The following WDR43 variants were observed in gnomAD, a reference collection of about 807,000 sequenced individuals.
WDR43 encodes WD repeat domain 43.
A neutral mutation model predicts 91.4 loss-of-function variants in WDR43; 13 were observed. The ratio of observed to expected loss-of-function variants is 0.14; its 90% CI spans 0.09 to 0.23. The LOEUF is 0.23. Ranked by LOEUF, WDR43 falls within the 10% of genes least tolerant of loss-of-function variation. WDR43 has a pLI of 1.00. For missense variants in WDR43, 780 were observed against 809.4 expected (o/e 0.96, Z 0.44); for synonymous variants, 331 against 287.9 (o/e 1.15, Z -1.51).
intron 11 of WDR43, 69 bp from the exon 12 acceptor site, chr2:28,935,452 T>A: frequency 1.1e-6 from 1 of 924,452 alleles, no homozygotes. Flanking sequence ...TTTTACAGAC[T>A]TTTTTTTTTC....
At chr2:28,938,070 G>A in intron 14 of WDR43, 76 bp downstream of exon 14, 4 of 1,497,970 alleles carry the variant, frequency 2.7e-6, no homozygotes, top group Non-Finnish European at 3.7e-6. Context: ...GACAAGTATG[G>A]CTGAACAAAA....
Position 28,927,621 on chromosome 2 carries a change from C to G in WDR43, c.1226C>G (p.Pro409Arg). Residue 409 changes from proline to arginine, a missense_variant, in exon 10 of 18, where the codon CCT (proline) becomes CGT (arginine). By Grantham distance (103) the Pro-to-Arg change is moderately radical (BLOSUM62 -2). This residue lies in a region of WDR43 where 426 missense variants were observed against 467.8 expected (regional missense o/e 0.91). Coordinates refer to ENST00000407426, the MANE Select transcript of WDR43 (RefSeq NM_015131.3). ...GCAAAAGTTCTGGTGCCTGGGATTC[C>G]TGGTCATCATGCAGCTATCAAGCCC... is the stretch of plus-strand genomic sequence containing the variant. ...SEAKVLVPGI[P>R]GHHAAIKPAP... 6.2e-7 allele frequency: 1 copy of G among 1,613,804 alleles called. No homozygotes were observed. Among genetic ancestry groups the G allele is most frequent in the Non-Finnish European group, 8.5e-7 (1 of 1,179,840 alleles).
At position 28,942,391 on chromosome 2, in the gene WDR43, G is replaced by T. The variant is rs369083779; in HGVS notation, c.1804+10G>T. 9 of 1,610,454 alleles carry T rather than the reference G, an allele frequency of 5.6e-6. No homozygotes were observed. The African/African-American group carries it at 9.3e-5, about 17-fold the overall frequency. ...TTGGTGTATGAAGAAGGTAAAGACT[G>T]GGGGAATGGGATGGAGTCTAGAATT... is the stretch of plus-strand genomic sequence containing the variant. On this transcript the variant is annotated intron_variant, in intron 16 of 17. Transcript: ENST00000407426.
chr2:28,918,384 T>G (rs1670958200), intron 6 of WDR43, among the ~76,000 whole-genome samples: 1 of 152,076 alleles, frequency 6.6e-6, no homozygotes, highest in Non-Finnish European at 1.5e-5. Flanking sequence ...TTTCATTTTT[T>G]TGAGACGGAG....
intron 6 of WDR43, 57 bp from the exon 7 acceptor site, chr2:28,922,862 G>A: frequency 2.4e-6 from 3 of 1,272,720 alleles, no homozygotes; most frequent in Non-Finnish European, 3.2e-6. Context: ...TCATAAGGTA[G>A]ATTGGGGACT....
At chr2:28,907,718 A>C (rs1035533127) in intron 3 of WDR43, among the ~76,000 whole-genome samples, 4 of 152,154 alleles carry the variant, frequency 2.6e-5, no homozygotes, top group African/African-American at 7.2e-5. Context: ...ATCCTGGCTA[A>C]CATGGGGTAC....
chr2:28,914,063 C>G lies in WDR43; in HGVS notation c.607-6C>G. ...GCTCTCCTAACTGAGATTTAACTTTCTCTAGCATTTCACAGGACATGCAAC... is the reference window on the plus strand; with the variant it reads ...GCTCTCCTAACTGAGATTTAACTTTGTCTAGCATTTCACAGGACATGCAAC... On this transcript the variant is annotated splice_region_variant and splice_polypyrimidine_tract_variant and intron_variant, in intron 4 of 17. Coordinates refer to ENST00000407426, the MANE Select transcript of WDR43 (RefSeq NM_015131.3). 6.2e-7 allele frequency: 1 copy of G among 1,611,182 alleles called. No homozygotes were observed. The highest frequency in any genetic ancestry group is 8.5e-7 in the Non-Finnish European group (1 of 1,178,104).
intron 3 of WDR43, among the ~76,000 whole-genome samples, chr2:28,908,070 T>G (rs995899536): frequency 1.3e-5 from 2 of 152,108 alleles, no homozygotes; most frequent in African/African-American, 4.8e-5. Context: ...GGATGGTAAG[T>G]GTGGGAAGTT....
In WDR43 at chr2:28,947,990, TG is replaced by T. The variant is rs1212192890; in HGVS notation, c.*1212del. 9.9e-5 allele frequency: 15 copies of T among 151,742 alleles called. No homozygotes were observed. Among genetic ancestry groups the T allele is most frequent in the African/African-American group, 3.6e-4 (15 of 41,392 alleles). 9.4% of individuals were successfully genotyped at this position (151,742 alleles called of 1,614,324 possible). ...GCAGATGGATTTATTTTTTCCCACC[TG>T]TGAATATGTAAAACAAAACCATTAT... On this transcript the variant is annotated 3_prime_UTR_variant, in exon 18 of 18. Transcript: ENST00000407426.
chr2:28,910,401 G>GT (rs1670768375), intron 3 of WDR43, among the ~76,000 whole-genome samples: 1 of 152,152 alleles, frequency 6.6e-6, no homozygotes, highest in Non-Finnish European at 1.5e-5. Flanking sequence ...TCAGAAGCTG[G>GT]TAAGGGTAAA....
intron 14 of WDR43, 65 bp downstream of exon 14, chr2:28,938,059 T>TG: frequency 6.5e-7 from 1 of 1,536,646 alleles, no homozygotes; most frequent in East Asian, 2.3e-5. Context: ...TTGTAAACTT[T>TG]GACAAGTATG....
intron 6 of WDR43, among the ~76,000 whole-genome samples, chr2:28,920,001 G>C (rs1387704937): frequency 6.6e-6 from 1 of 151,726 alleles, no homozygotes; most frequent in African/African-American, 2.4e-5. Context: ...TACCATGCCT[G>C]GCGAATTTTT....
chr2:28,913,886 TA>T, intron 4 of WDR43, 182 bp from the exon 5 acceptor site: 1 of 779,510 alleles, frequency 1.3e-6, no homozygotes, highest in Non-Finnish European at 2.1e-6. Context: ...TGGATTTTTT[TA>T]AAAAGTGGGA....
In WDR43 at chr2:28,912,626, A is replaced by G. The variant is rs773673250; in HGVS notation, c.522A>G (p.Leu174=). The change falls in exon 4 of 18, where the codon CTA becomes CTG. Residue 174 remains leucine, a synonymous_variant. Transcript: ENST00000407426. Reference sequence around the variant, plus strand: ...GCGACAATAGCAGTGTCAGTTCCCTATGTATCAGCCCAGATGGAAAGATGT... The same window carrying G: ...GCGACAATAGCAGTGTCAGTTCCCTGTGTATCAGCCCAGATGGAAAGATGT... ...WKGDNSSVSS[L]CISPDGKMLL... is the part of the protein sequence containing the mutation. 177 of 1,613,932 alleles carry G rather than the reference A, an allele frequency of 1.1e-4. 1 individual carries two copies. The highest frequency in any genetic ancestry group is 2.9e-4 in the South Asian group (26 of 91,082).
intron 1 of WDR43, among the ~76,000 whole-genome samples, chr2:28,899,220 C>T (rs1281613700): frequency 1.3e-5 from 2 of 152,136 alleles, no homozygotes; most frequent in Admixed American, 6.5e-5. Context: ...ATATATTTAT[C>T]TGTATAATCT....
rs781134968 is a variant in WDR43, at chr2:28,898,127, G to A, written c.225+3204G>A. 4.5e-4 allele frequency among the ~76,000 whole-genome samples: 69 copies of A among 152,340 alleles called. No individual in the cohort carries two copies. The Middle Eastern group carries it at 0.014, about 30-fold the overall frequency. The stretch of plus-strand genomic sequence containing the variant: ...TTTGATTGTCTTCAAACTTTTGAAA[G>A]TCTTCCGACTTTTCTGCTTTTCCTT... On this transcript the variant is annotated intron_variant, in intron 1 of 17. Coordinates refer to ENST00000407426, the MANE Select transcript of WDR43 (RefSeq NM_015131.3).
chr2:28,928,553 A>T (rs1204998225), intron 10 of WDR43, among the ~76,000 whole-genome samples: 2 of 152,236 alleles, frequency 1.3e-5, no homozygotes, highest in African/African-American at 4.8e-5. Flanking sequence ...TAAACCAAGC[A>T]CATCTGTTTG....
chr2:28,937,839 G>C (rs927374970), intron 13 of WDR43, 92 bp from the exon 14 acceptor site: 4 of 1,171,130 alleles, frequency 3.4e-6, no homozygotes, highest in Non-Finnish European at 5.0e-6. Context: ...AACATTTATA[G>C]ACCTTCACTT....
chr2:28,939,041 G>A (rs5006635), intron 14 of WDR43, among the ~76,000 whole-genome samples: 2 of 91,832 alleles, frequency 2.2e-5, no homozygotes, highest in African/African-American at 7.7e-5. Context: ...TGACCTGGGA[G>A]CACTGGTGAG....
Sources: gnomAD v4.1 joint callset for allele counts (sites outside exome capture counted in the v4.1 genomes callset) on GRCh38, gnomAD v4.1.1 for gene constraint, gnomAD v4.1.1 regional missense constraint, MANE v1.5 for transcripts, NCBI Gene and HGNC (gene_info 2026-07-23, HGNC 2026-07-21) for gene names.